Variants in MRO observed in about 807,000 individuals in gnomAD.
MRO encodes the protein maestro, also known as protein maestro.
In MRO, 28 loss-of-function variants were observed where a neutral mutation model predicts 31.0. The ratio of observed to expected loss-of-function variants is 0.90; its 90% CI spans 0.67 to 1.24. MRO has a LOEUF of 1.24. Ranked by LOEUF, MRO falls within the 50% of genes most tolerant of loss-of-function variation. The probability of loss-of-function intolerance (pLI) is 0.00; values close to 1 mark genes in which losing one functional copy is unlikely to be tolerated. For missense variants in MRO, 332 were observed against 289.2 expected, an observed-to-expected ratio of 1.15 and a Z score of -1.07; for synonymous variants, 108 against 108.4, an observed-to-expected ratio of 1.00 and a Z score of 0.02.
At chr18:50,820,197 C>T, upstream of MRO, 2 of 576,808 alleles carry the variant, frequency 3.5e-6, no homozygotes, top group Non-Finnish European at 6.2e-6. Flanking sequence ...GGATGGGACA[C>T]TGTGTTCCAT....
Position 50,796,049 on chromosome 18 carries a change from T to TC in MRO, c.*3287dup, listed in dbSNP as rs1387257941. 6 of 152,190 alleles carry TC rather than the reference T, an allele frequency of 3.9e-5. No individual in the cohort carries two copies. Among genetic ancestry groups the TC allele is most frequent in the Non-Finnish European group, 8.8e-5 (6 of 68,036 alleles). The allele number at this position is 152,190 out of a possible 1,614,324, so 9.4% of individuals were successfully genotyped here. A position where few individuals can be genotyped will look rare whatever the true frequency, so the allele number is the denominator to read the frequency against. On this transcript the variant is annotated 3_prime_UTR_variant, in exon 8 of 8. Transcript: ENST00000398439. ...CATGAGGGTCGGGGCACTTGAACAT[T>TC]CCTTTTTTCTTTCTTTCATTCAACT...
In MRO at chr18:50,800,060, C is replaced by G; in HGVS notation, c.669G>C (p.Arg223Ser). ...EYSFQSEEDQ[R>S]NTKLYQQLSH... is the part of the protein sequence containing the mutation. ...CCAGCTGCTGGTAGAGCTTAGTGTT[C>G]CTTTGATCTTCTTCACTCTGGAAGC... is the stretch of plus-strand genomic sequence containing the variant. The change falls in exon 7 of 8, where the codon AGG becomes AGC. Residue 223 changes from arginine to serine, a missense_variant. Physicochemically the swap from Arg to Ser is moderately radical, Grantham distance 110. Transcript: ENST00000398439. 2 of 1,613,430 alleles carry G rather than the reference C, an allele frequency of 1.2e-6. No individual in the cohort carries two copies. Among genetic ancestry groups the G allele is most frequent in the Non-Finnish European group, 1.7e-6 (2 of 1,179,494 alleles).
upstream of MRO, among the ~76,000 whole-genome samples, chr18:50,821,271 G>C (rs939954707): frequency 6.6e-6 from 1 of 152,172 alleles, no homozygotes; most frequent in Non-Finnish European, 1.5e-5. Flanking sequence ...TCAAGGGCAC[G>C]AGGGAAAGGG....
intron 3 of MRO, among the ~76,000 whole-genome samples, chr18:50,808,160 G>A (rs567368319): frequency 1.6e-4 from 25 of 152,322 alleles, no homozygotes; most frequent in African/African-American, 6.0e-4. Context: ...GCAAGAGATA[G>A]GCTAGTCTCT....
intron 2 of MRO, among the ~76,000 whole-genome samples, chr18:50,816,474 C>G (rs937150723): frequency 6.6e-6 from 1 of 152,188 alleles, no homozygotes; most frequent in Non-Finnish European, 1.5e-5. Context: ...TGAACAGACA[C>G]TTTAACAGAA....
Position 50,801,462 on chromosome 18 carries a change from G to T in MRO, c.472C>A (p.Gln158Lys). ...LRYSAFVLFG[Q>K]LAAFAGRKWK... ...TTCCTCCCGGCAAAGGCAGCCAATT[G>T]CCCAAACAAAACAAAGGCCGAGTAT... The change falls in exon 6 of 8, where the codon CAA (glutamine) becomes AAA (lysine). Residue 158 changes from glutamine (Q) to lysine (K), a missense_variant. Coordinates refer to ENST00000398439, the MANE Select transcript of MRO (RefSeq NM_031939.6). 6.2e-7 allele frequency: 1 copy of T among 1,611,812 alleles called. No individual in the cohort carries two copies. The highest frequency in any genetic ancestry group is 8.5e-7 in the Non-Finnish European group (1 of 1,178,938).
Position 50,799,168 on chromosome 18 carries a change from C to T in MRO, c.*169G>A. 2 of 593,076 alleles carry T rather than the reference C, an allele frequency of 3.4e-6. No individual in the cohort carries two copies. Among genetic ancestry groups the T allele is most frequent in the Admixed American group, 3.1e-5 (1 of 32,682 alleles). 36.7% of individuals were successfully genotyped at this position (593,076 alleles called of 1,614,324 possible). A position where few individuals can be genotyped will look rare whatever the true frequency, so the allele number is the denominator to read the frequency against. ...TCTAGAATTTTACTTTAGATAAAAT[C>T]ATACAATTCCATGTATTATTTTTGC... On this transcript the variant is annotated 3_prime_UTR_variant, in exon 8 of 8. Coordinates refer to ENST00000398439, the MANE Select transcript of MRO (RefSeq NM_031939.6).
chr18:50,809,365 G>A lies in MRO; in HGVS notation c.36C>T (p.Pro12=). The A allele has an allele frequency of 6.2e-7, 1 of 1,613,660 alleles. No homozygotes were observed. Among genetic ancestry groups the A allele is most frequent in the Non-Finnish European group, 8.5e-7 (1 of 1,179,828 alleles). The change falls in exon 3 of 8, where the codon CCC becomes CCT. Residue 12 remains proline (P), a synonymous_variant. Coordinates refer to ENST00000398439, the MANE Select transcript of MRO (RefSeq NM_031939.6). ...DQRQRRILGQ[P]LSIPTSQPKQ... ...TGGGCTGGGAAGTAGGGATGGAAAGGGGCTGGCCCAGGATTCTCCTCTGTC... is the reference window on the plus strand; with the variant it reads ...TGGGCTGGGAAGTAGGGATGGAAAGAGGCTGGCCCAGGATTCTCCTCTGTC...
chr18:50,813,190 A>G (rs527515338), intron 2 of MRO, among the ~76,000 whole-genome samples: 1 of 152,180 alleles, frequency 6.6e-6, no homozygotes, highest in Non-Finnish European at 1.5e-5. Context: ...GATTTGCTCC[A>G]TTCTGGAGAG....
rs17852711 is a variant in MRO at position 50,805,182 on chromosome 18, G to T, written c.401C>A (p.Thr134Asn). ...KGLGSFFIDI[T>N]LQTRTLLDDE... ...ATCTAATAAAGTCCTGGTCTGAAGG[G>T]TGATATCTATGAAGAAGGAACCCAA... Residue 134 changes from threonine (T) to asparagine (N), a missense_variant, in exon 5 of 8, where the codon ACC (threonine) becomes AAC (asparagine). By Grantham distance (65) the Thr-to-Asn change is moderately conservative (BLOSUM62 0). Coordinates refer to ENST00000398439, the MANE Select transcript of MRO (RefSeq NM_031939.6). The T allele has an allele frequency of 1.2e-6, 2 of 1,613,354 alleles. No homozygotes were observed. Among genetic ancestry groups the T allele is most frequent in the Non-Finnish European group, 1.7e-6 (2 of 1,179,274 alleles).
At chr18:50,800,818 G>C (rs192284387) in intron 6 of MRO, among the ~76,000 whole-genome samples, 1 of 149,514 alleles carries the variant, frequency 6.7e-6, no homozygotes, top group African/African-American at 2.5e-5. Context: ...CCCCAGAGGC[G>C]GAAGTTGTAG....
chr18:50,804,706 T>C (rs981687409), intron 5 of MRO, among the ~76,000 whole-genome samples: 24 of 152,206 alleles, frequency 1.6e-4, no homozygotes, highest in African/African-American at 5.5e-4. Flanking sequence ...AGCACAGTAC[T>C]AGTCTCTCAA....
chr18:50,809,500 G>C (rs113210879), intron 2 of MRO, 96 bp from the exon 3 acceptor site: 3 of 793,680 alleles, frequency 3.8e-6, no homozygotes, highest in Non-Finnish European at 6.0e-6. Context: ...AGAATATAAA[G>C]AGGCAGCAAT....
At chr18:50,801,277 G>T in intron 6 of MRO, 72 bp downstream of exon 6, 1 of 1,379,048 alleles carries the variant, frequency 7.3e-7, no homozygotes, top group Non-Finnish European at 9.8e-7. Flanking sequence ...AGGGTCTGGC[G>T]TCTCAACTCG....
intron 2 of MRO, among the ~76,000 whole-genome samples, chr18:50,817,042 G>A (rs961084438): frequency 9.2e-5 from 14 of 152,150 alleles, no homozygotes; most frequent in African/African-American, 3.1e-4. Context: ...AGCCAGCATC[G>A]CCTTCATAGG....
intron 5 of MRO, among the ~76,000 whole-genome samples, chr18:50,802,904 A>AGTG (rs1555667860): frequency 6.8e-6 from 1 of 147,756 alleles, no homozygotes; most frequent in Non-Finnish European, 1.5e-5. Context: ...GTGTTTGTGT[A>AGTG]TGTGTGTGTG....
In MRO at chr18:50,800,079, T is replaced by C. The variant is rs764513909; in HGVS notation, c.650A>G (p.Gln217Arg). 6.2e-7 allele frequency: 1 copy of C among 1,613,886 alleles called. No homozygotes were observed. The highest frequency in any genetic ancestry group is 8.5e-7 in the Non-Finnish European group (1 of 1,179,834). The change falls in exon 7 of 8, where the codon CAG becomes CGG. Residue 217 changes from glutamine to arginine, a missense_variant. Physicochemically the swap from Gln to Arg is conservative, Grantham distance 43 (BLOSUM62 1). Transcript: ENST00000398439. ...YLKLKEEYSFQSEEDQRNTKL... is the reference protein window; with the variant it reads ...YLKLKEEYSFRSEEDQRNTKL... ...AGTGTTCCTTTGATCTTCTTCACTC[T>C]GGAAGCTGTATTCCTCCTTTAGTTT...
At chr18:50,805,853 T>C (rs1818689950) in intron 4 of MRO, among the ~76,000 whole-genome samples, 1 of 152,170 alleles carries the variant, frequency 6.6e-6, no homozygotes, top group Non-Finnish European at 1.5e-5. Context: ...GAGCCTAAGA[T>C]GACCCTGAAT....
upstream of MRO, among the ~76,000 whole-genome samples, chr18:50,821,414 T>C (rs1031236178): frequency 1.3e-5 from 2 of 152,182 alleles, no homozygotes; most frequent in Admixed American, 6.5e-5. Flanking sequence ...TTTAATCTTT[T>C]CAGTAAAACC....
Sources: allele counts gnomAD v4.1 joint callset (sites outside exome capture counted in the v4.1 genomes callset), GRCh38; gene constraint gnomAD v4.1.1; transcripts MANE v1.5; gene names NCBI Gene and HGNC (gene_info 2026-07-23, HGNC 2026-07-21).